Variants in ALOX5AP observed in about 807,000 individuals in gnomAD.
ALOX5AP encodes the protein arachidonate 5-lipoxygenase activating protein, also known as arachidonate 5-lipoxygenase-activating protein.
Under a neutral mutation model 18.5 loss-of-function variants are expected in ALOX5AP, and 9 were observed. The observed-to-expected ratio is 0.49, with a 90% CI of 0.29 to 0.85. The LOEUF (loss-of-function observed/expected upper bound fraction) is 0.85, where lower values mean the gene tolerates loss of function less well. Ranked by LOEUF, ALOX5AP falls within the 40% of genes least tolerant of loss-of-function variation. The probability of loss-of-function intolerance (pLI) is 0.08; values close to 1 mark genes in which losing one functional copy is unlikely to be tolerated. For synonymous variants in ALOX5AP, 81 were observed against 78.6 expected, an observed-to-expected ratio of 1.03 and a Z score of -0.16; for missense variants, 172 against 202.5, an observed-to-expected ratio of 0.85 and a Z score of 0.91.
At position 30,764,078 on chromosome 13, in the gene ALOX5AP, C is replaced by T. The variant is rs866293611; in HGVS notation, c.458C>T (p.Thr153Ile). The change falls in exon 5 of 5, where the codon ACC becomes ATC. Residue 153 changes from threonine to isoleucine, a missense_variant. Transcript: ENST00000380490. Reference protein sequence around the residue: ...FENYIKTISTTISPLLLIP With the variant: ...FENYIKTISTIISPLLLIP The stretch of plus-strand genomic sequence containing the variant: ...AACTACATAAAGACGATCTCCACCA[C>T]CATCTCCCCTCTACTTCTCATTCCC... 4 of 1,614,166 alleles carry T rather than the reference C, an allele frequency of 2.5e-6. No individual in the cohort carries two copies. Among genetic ancestry groups the T allele is most frequent in the Non-Finnish European group, 3.4e-6 (4 of 1,180,010 alleles).
At chr13:30,738,593 A>G (rs1398512615) in intron 1 of ALOX5AP, among the ~76,000 whole-genome samples, 1 of 152,176 alleles carries the variant, frequency 6.6e-6, no homozygotes, top group African/African-American at 2.4e-5. Context: ...AGAGCCTCCA[A>G]CTTCTTCTGC....
intron 1 of ALOX5AP, among the ~76,000 whole-genome samples, chr13:30,720,073 G>T (rs895087389): frequency 6.6e-6 from 1 of 152,186 alleles, no homozygotes; most frequent in Non-Finnish European, 1.5e-5. Context: ...TGTTGGCCAG[G>T]GTGGTCTTGA....
At chr13:30,750,676 A>T (rs537515962) in intron 2 of ALOX5AP, among the ~76,000 whole-genome samples, 1 of 152,296 alleles carries the variant, frequency 6.6e-6, no homozygotes, top group East Asian at 1.9e-4. Context: ...CCCACATCCT[A>T]ATCCTAGGAA....
At chr13:30,745,077 C>T (rs924878886) in intron 2 of ALOX5AP, among the ~76,000 whole-genome samples, 1 of 152,228 alleles carries the variant, frequency 6.6e-6, no homozygotes. Context: ...AGTCCCTGGG[C>T]TTGCTGCTGG....
At chr13:30,735,044 C>T (rs924951055), upstream of ALOX5AP, among the ~76,000 whole-genome samples, 6 of 152,022 alleles carry the variant, frequency 3.9e-5, no homozygotes, top group Non-Finnish European at 8.8e-5. Flanking sequence ...CAGTCTTGCT[C>T]TGTTGCCCAG....
intron 1 of ALOX5AP, among the ~76,000 whole-genome samples, chr13:30,740,035 C>T (rs138176167): frequency 3.0e-4 from 46 of 152,298 alleles, no homozygotes; most frequent in African/African-American, 1.0e-3. Context: ...ACAGTGTCAG[C>T]TGTAATATCC....
intron 1 of ALOX5AP, among the ~76,000 whole-genome samples, chr13:30,720,937 G>A (rs940492343): frequency 2.0e-5 from 3 of 152,084 alleles, no homozygotes; most frequent in Non-Finnish European, 4.4e-5. Context: ...ACTTCTCTGT[G>A]GGCACAAATG....
intron 4 of ALOX5AP, among the ~76,000 whole-genome samples, chr13:30,762,856 A>G (rs1239601952): frequency 6.6e-6 from 1 of 152,138 alleles, no homozygotes; most frequent in South Asian, 2.1e-4. Flanking sequence ...CCAACCTGTT[A>G]TCACCTCTCA....
chr13:30,752,009 C>A, intron 2 of ALOX5AP, 43 bp from the exon 3 acceptor site: 1 of 1,570,438 alleles, frequency 6.4e-7, no homozygotes, highest in Non-Finnish European at 8.8e-7. Flanking sequence ...ATTGCACTAA[C>A]TTGGTCTCTG....
At chr13:30,749,296 CG>C (rs1303924543) in intron 2 of ALOX5AP, among the ~76,000 whole-genome samples, 2 of 152,084 alleles carry the variant, frequency 1.3e-5, no homozygotes, top group East Asian at 3.9e-4. Context: ...CAGACAAAAT[CG>C]CTACTTAAAA....
intron 3 of ALOX5AP, 33 bp downstream of exon 3, chr13:30,752,155 C>T (rs1185405273): frequency 6.2e-7 from 1 of 1,602,188 alleles, no homozygotes; most frequent in African/African-American, 1.3e-5. Context: ...CATTCTCCTT[C>T]TATAAAGTGC....
At chr13:30,753,067 A>C (rs1227082451) in intron 3 of ALOX5AP, among the ~76,000 whole-genome samples, 1 of 152,228 alleles carries the variant, frequency 6.6e-6, no homozygotes, top group Non-Finnish European at 1.5e-5. Context: ...GTGATAAATA[A>C]AGAGTAGCTT....
chr13:30,719,520 A>G (rs928966152), intron 1 of ALOX5AP, among the ~76,000 whole-genome samples: 2 of 152,174 alleles, frequency 1.3e-5, no homozygotes, highest in African/African-American at 4.8e-5. Context: ...TTTCTTGCTT[A>G]TTATCTGCTC....
intron 1 of ALOX5AP, among the ~76,000 whole-genome samples, chr13:30,718,608 A>G (rs1211278872): frequency 6.6e-6 from 1 of 151,498 alleles, no homozygotes; most frequent in Admixed American, 6.6e-5. Context: ...CTCACCTATT[A>G]CTTTCTCTGG....
At chr13:30,735,430 TAGTTAAA>T, upstream of ALOX5AP, 1 of 1,220,822 alleles carries the variant, frequency 8.2e-7, no homozygotes, top group Non-Finnish European at 1.1e-6. Flanking sequence ...TTTTGGTGGT[TAGTTAAA>T]AAAAAAAAAA....
chr13:30,748,022 C>G (rs1225651128), intron 2 of ALOX5AP, among the ~76,000 whole-genome samples: 2 of 152,030 alleles, frequency 1.3e-5, no homozygotes, highest in African/African-American at 2.4e-5. Context: ...CGGGCTTAAG[C>G]AATTTTTGTG....
chr13:30,762,041 A>T (rs1294788158), intron 4 of ALOX5AP, among the ~76,000 whole-genome samples: 3 of 152,228 alleles, frequency 2.0e-5, no homozygotes, highest in Non-Finnish European at 2.9e-5. Context: ...GAACAGGAAA[A>T]CAGGGAGAGA....
intron 2 of ALOX5AP, 36 bp downstream of exon 2, chr13:30,744,195 G>T (rs1362265332): frequency 1.9e-6 from 3 of 1,588,338 alleles, no homozygotes; most frequent in Non-Finnish European, 1.7e-6. Flanking sequence ...ATAAGTGGGG[G>T]CATGGGCAGG....
chr13:30,715,127 G>C (rs1466174478), intron 1 of ALOX5AP, among the ~76,000 whole-genome samples: 1 of 152,088 alleles, frequency 6.6e-6, no homozygotes, highest in Non-Finnish European at 1.5e-5. Flanking sequence ...GAAACAATTG[G>C]GTTTCCCTGG....
Sources: gnomAD v4.1 joint callset for allele counts (sites outside exome capture counted in the v4.1 genomes callset) on GRCh38, gnomAD v4.1.1 for gene constraint, MANE v1.5 for transcripts, NCBI Gene and HGNC (gene_info 2026-07-23, HGNC 2026-07-21) for gene names.